The following ESR1 variants were observed in gnomAD, a reference collection of about 807,000 sequenced individuals.
ESR1 encodes the protein estrogen receptor.
In ESR1, 12 loss-of-function variants were observed where a neutral mutation model predicts 52.7. The ratio of observed to expected loss-of-function variants is 0.23; its 90% CI spans 0.15 to 0.37. The LOEUF (loss-of-function observed/expected upper bound fraction) is 0.37. Ranked by LOEUF, ESR1 falls within the 10% of genes least tolerant of loss-of-function variation. The pLI is 1.00. For missense variants in ESR1, 584 were observed against 779.7 expected (o/e 0.75, Z 2.99); for synonymous variants, 305 against 316.8 (o/e 0.96, Z 0.39).
At chr6:152,047,011 C>T (rs1175224278) in intron 5 of ESR1, among the ~76,000 whole-genome samples, 2 of 152,148 alleles carry the variant, frequency 1.3e-5, no homozygotes, top group Non-Finnish European at 2.9e-5. Context: ...TCATGAAGAA[C>T]ACTTTAAGTT....
chr6:152,043,448 T>C (rs1238537164), intron 5 of ESR1, among the ~76,000 whole-genome samples: 1 of 152,184 alleles, frequency 6.6e-6, no homozygotes, highest in African/African-American at 2.4e-5. Context: ...AGCAGTTCTT[T>C]TGGAGTGTAG....
intron 2 of ESR1, among the ~76,000 whole-genome samples, chr6:151,723,009 G>T: frequency 6.6e-6 from 1 of 152,110 alleles, no homozygotes. Flanking sequence ...ATGGTGTGGT[G>T]GGCACTGAGC....
intron 1 of ESR1, among the ~76,000 whole-genome samples, chr6:151,700,526 T>C (rs747893805): frequency 2.6e-5 from 4 of 152,166 alleles, no homozygotes; most frequent in Non-Finnish European, 4.4e-5. Context: ...TTTTCTTCTA[T>C]TTGATATGGA....
intron 2 of ESR1, among the ~76,000 whole-genome samples, chr6:151,769,972 G>A (rs563143498): frequency 2.0e-5 from 3 of 150,814 alleles, no homozygotes; most frequent in Non-Finnish European, 4.4e-5. Flanking sequence ...AGGTTGCAGT[G>A]AGCCAAGATC....
At chr6:151,801,333 T>C (rs899899321), upstream of ESR1, among the ~76,000 whole-genome samples, 1 of 152,190 alleles carries the variant, frequency 6.6e-6, no homozygotes, top group African/African-American at 2.4e-5. Flanking sequence ...ATAGGTACAT[T>C]ATATAAAAAG....
intron 2 of ESR1, among the ~76,000 whole-genome samples, chr6:151,770,475 T>A (rs1310379577): frequency 6.6e-6 from 1 of 152,116 alleles, no homozygotes; most frequent in African/African-American, 2.4e-5. Context: ...AACACATCAG[T>A]TATTAAATCT....
chr6:152,042,973 A>T (rs557484977), intron 5 of ESR1, among the ~76,000 whole-genome samples: 4 of 152,218 alleles, frequency 2.6e-5, no homozygotes, highest in Admixed American at 2.0e-4. Context: ...TGTGGTTCCC[A>T]CTATAATATC....
At chr6:151,978,754 T>C (rs9340931) in intron 4 of ESR1, among the ~76,000 whole-genome samples, 26,008 of 152,084 alleles carry the variant, frequency 0.17, 2,301 homozygotes, top group African/African-American at 0.19. Context: ...TAAAATAGTG[T>C]ACATTGTAAA....
At chr6:152,063,115 G>A (rs34376810) in intron 6 of ESR1, among the ~76,000 whole-genome samples, 8,210 of 152,174 alleles carry the variant, frequency 0.054, 293 homozygotes, top group South Asian at 0.096. Flanking sequence ...TGCAGGATTT[G>A]GCCCCTGTCT....
intron 2 of ESR1, among the ~76,000 whole-genome samples, chr6:151,731,271 G>T (rs545062247): frequency 1.3e-5 from 2 of 152,084 alleles, no homozygotes; most frequent in South Asian, 2.1e-4. Flanking sequence ...CAGGAGAATC[G>T]CTTGAACTCC....
At chr6:151,867,508 C>T (rs2128301747) in intron 2 of ESR1, among the ~76,000 whole-genome samples, 1 of 152,208 alleles carries the variant, frequency 6.6e-6, no homozygotes, top group South Asian at 2.1e-4. Context: ...GACATTTACA[C>T]TGCCAACAAC....
intron 6 of ESR1, among the ~76,000 whole-genome samples, chr6:152,086,117 C>T (rs2049695649): frequency 6.6e-6 from 1 of 152,198 alleles, no homozygotes; most frequent in South Asian, 2.1e-4. Context: ...CCACGTGGAA[C>T]CTTCTGCAAA....
intron 2 of ESR1, among the ~76,000 whole-genome samples, chr6:151,703,396 G>A (rs1779942333): frequency 6.6e-6 from 1 of 152,148 alleles, no homozygotes; most frequent in Admixed American, 6.5e-5. Context: ...ATGGCTGACT[G>A]CAGGCTGTTT....
chr6:151,900,990 A>C (rs2128406470), intron 3 of ESR1, among the ~76,000 whole-genome samples: 1 of 152,346 alleles, frequency 6.6e-6, no homozygotes, highest in Non-Finnish European at 1.5e-5. Flanking sequence ...GGCAGTGGCC[A>C]GGGCCTTAGA....
At chr6:152,073,733 T>C (rs1317082482) in intron 6 of ESR1, among the ~76,000 whole-genome samples, 1 of 152,118 alleles carries the variant, frequency 6.6e-6, no homozygotes, top group African/African-American at 2.4e-5. Flanking sequence ...TGAGGGATGT[T>C]TGGGTTCTAG....
intron 4 of ESR1, among the ~76,000 whole-genome samples, chr6:151,946,502 C>T (rs1054249264): frequency 6.6e-6 from 1 of 152,048 alleles, no homozygotes; most frequent in Non-Finnish European, 1.5e-5. Context: ...CACAGGCTAG[C>T]AATAGTTAAA....
intron 6 of ESR1, chr6:152,125,175 C>CCAATG (rs1181132842): frequency 1.4e-6 from 2 of 1,448,100 alleles, no homozygotes; most frequent in African/African-American, 2.8e-5. Context: ...CTTCCAAAAT[C>CCAATG]CCTGCCCACC....
At chr6:151,800,002 T>C (rs1562416043), upstream of ESR1, among the ~76,000 whole-genome samples, 1 of 152,190 alleles carries the variant, frequency 6.6e-6, no homozygotes, top group Non-Finnish European at 1.5e-5. Context: ...TGAGTTACTT[T>C]TGGACAAGTT....
chr6:151,903,352 G>A (rs150431265), intron 3 of ESR1, among the ~76,000 whole-genome samples: 1 of 152,260 alleles, frequency 6.6e-6, no homozygotes, highest in East Asian at 1.9e-4. Flanking sequence ...GCCAGCTTGA[G>A]GGCAACTTGG....
Sources: gnomAD v4.1 joint callset for allele counts (sites outside exome capture counted in the v4.1 genomes callset) on GRCh38, gnomAD v4.1.1 for gene constraint, MANE v1.5 for transcripts, NCBI Gene and HGNC (gene_info 2026-07-23, HGNC 2026-07-21) for gene names.